Variants in SRP54 observed in about 807,000 individuals in gnomAD.
SRP54 encodes signal recognition particle 54.
Under a neutral mutation model 64.8 loss-of-function variants are expected in SRP54, and 10 were observed. That is an observed-to-expected ratio of 0.15 (90% CI 0.10 to 0.26). SRP54 has a LOEUF of 0.26. SRP54 is among the 10% of genes least tolerant of loss of function. SRP54 has a pLI of 1.00. For missense variants in SRP54, 325 were observed against 613.7 expected, an observed-to-expected ratio of 0.53 and a Z score of 4.97; for synonymous variants, 193 against 185.6, an observed-to-expected ratio of 1.04 and a Z score of -0.32.
At chr14:34,988,121 A>C (rs2043925913) in intron 1 of SRP54, among the ~76,000 whole-genome samples, 2 of 152,094 alleles carry the variant, frequency 1.3e-5, no homozygotes, top group African/African-American at 4.8e-5. Flanking sequence ...TATTTCTGTA[A>C]TGTTTTAACT....
chr14:35,012,018 A>G (rs973986822), intron 8 of SRP54, among the ~76,000 whole-genome samples: 1 of 152,140 alleles, frequency 6.6e-6, no homozygotes, highest in Non-Finnish European at 1.5e-5. Flanking sequence ...GGAGTTCAAG[A>G]TCAGCCTGGC....
chr14:35,020,899 T>C (rs1360828645), intron 13 of SRP54, among the ~76,000 whole-genome samples: 1 of 152,214 alleles, frequency 6.6e-6, no homozygotes, highest in East Asian at 1.9e-4. Context: ...ATAGAACCTT[T>C]CCTGACTTCC....
In SRP54 at chr14:35,011,596, A is replaced by T; in HGVS notation, c.573A>T (p.Thr191=). Residue 191 remains threonine (T), a synonymous_variant, in exon 8 of 16, where the codon ACA becomes ACT. Coordinates refer to ENST00000216774, the MANE Select transcript of SRP54 (RefSeq NM_003136.4). The stretch of plus-strand genomic sequence containing the variant: ...ATTTTGAAATTATTATTGTTGATAC[A>T]AGTGGCCGCCACAAACAAGAAGACT... The part of the protein sequence containing the change: ...NENFEIIIVD[T]SGRHKQEDSL... 1 of 1,595,300 alleles carries T rather than the reference A, an allele frequency of 6.3e-7. No individual in the cohort carries two copies. The highest frequency in any genetic ancestry group is 8.6e-7 in the Non-Finnish European group (1 of 1,168,276).
intron 1 of SRP54, among the ~76,000 whole-genome samples, chr14:34,995,954 A>T (rs117332178): frequency 0.085 from 12,856 of 151,954 alleles, 640 homozygotes; most frequent in Non-Finnish European, 0.12. Flanking sequence ...GGTCCCAGCT[A>T]CTTGGGGGGC....
intron 2 of SRP54, 76 bp downstream of exon 2, chr14:34,996,863 C>A (rs2044080763): frequency 1.9e-6 from 2 of 1,065,138 alleles, no homozygotes; most frequent in East Asian, 4.8e-5. Flanking sequence ...ATTCATAATC[C>A]CTGTATTTAT....
chr14:35,019,631 T>A (rs1010328849), intron 13 of SRP54, among the ~76,000 whole-genome samples: 13 of 152,244 alleles, frequency 8.5e-5, no homozygotes, highest in Non-Finnish European at 1.8e-4. Flanking sequence ...TCTTTCTGTC[T>A]GAAACATAAG....
intron 11 of SRP54, among the ~76,000 whole-genome samples, chr14:35,015,362 C>T (rs2044421922): frequency 2.6e-5 from 4 of 151,846 alleles, no homozygotes; most frequent in Admixed American, 6.6e-5. Flanking sequence ...AGGTGTGAAC[C>T]ACTGTGCTTG....
At chr14:34,988,578 A>AAAAAAAAAAAAAATATATAT (rs1384552218) in intron 1 of SRP54, among the ~76,000 whole-genome samples, 1 of 47,102 alleles carries the variant, frequency 2.1e-5, no homozygotes, top group Non-Finnish European at 4.8e-5. Context: ...AAAAAAAAAA[A>AAAAAAAAAAAAAATATATAT]ATATATATAT....
intron 4 of SRP54, among the ~76,000 whole-genome samples, chr14:35,004,776 C>T (rs570089996): frequency 1.3e-5 from 2 of 152,290 alleles, no homozygotes; most frequent in East Asian, 3.9e-4. Context: ...CTGAAAGGAT[C>T]TATGAGGAAG....
chr14:35,021,595 T>C (rs2139021575), intron 13 of SRP54, among the ~76,000 whole-genome samples: 1 of 151,674 alleles, frequency 6.6e-6, no homozygotes, highest in African/African-American at 2.4e-5. Flanking sequence ...CTTGCACCAC[T>C]GCACTCCAGC....
At chr14:35,014,278 T>TG (rs2044402552) in intron 10 of SRP54, among the ~76,000 whole-genome samples, 1 of 123,404 alleles carries the variant, frequency 8.1e-6, no homozygotes, top group Non-Finnish European at 1.7e-5. Context: ...CACTTAACTT[T>TG]TTTTTTTTTT....
chr14:34,999,046 A>C (rs2044130112), intron 2 of SRP54, among the ~76,000 whole-genome samples: 4 of 102,332 alleles, frequency 3.9e-5, no homozygotes, highest in Admixed American at 1.4e-4. Flanking sequence ...ACAAAGTCTC[A>C]CTCTGTCACC....
chr14:35,020,310 T>G (rs2044507644), intron 13 of SRP54, among the ~76,000 whole-genome samples: 2 of 152,220 alleles, frequency 1.3e-5, no homozygotes, highest in Admixed American at 1.3e-4. Context: ...GCTAACTGAT[T>G]ACAGTGATGG....
chr14:35,008,664 G>A lies in SRP54; in HGVS notation c.398G>A (p.Cys133Tyr), dbSNP rs1177075638. The A allele has an allele frequency of 1.3e-6, 2 of 1,597,944 alleles. No individual in the cohort carries two copies. The highest frequency in any genetic ancestry group is 1.7e-6 in the Non-Finnish European group (2 of 1,172,528). Residue 133 changes from cysteine (C) to tyrosine (Y), a missense_variant, in exon 6 of 16, where the codon TGT (cysteine) becomes TAT (tyrosine). This residue lies in a region of SRP54 where 156 missense variants were observed against 254.6 expected (regional missense o/e 0.61). Coordinates refer to ENST00000216774, the MANE Select transcript of SRP54 (RefSeq NM_003136.4). ...YYYQRKGWKT[C>Y]LICADTFRAG... is the part of the protein sequence containing the mutation. ...TACCAGAGGAAAGGTTGGAAGACCT[G>A]TTTAATATGTGCAGACACATTCAGA...
intron 14 of SRP54, among the ~76,000 whole-genome samples, chr14:35,023,538 C>T (rs1468987985): frequency 2.6e-5 from 4 of 152,042 alleles, no homozygotes; most frequent in Non-Finnish European, 5.9e-5. Flanking sequence ...CATCCTAGCA[C>T]TTTGGGAGGC....
chr14:35,010,587 A>T (rs1225486021), intron 7 of SRP54, among the ~76,000 whole-genome samples: 1 of 152,108 alleles, frequency 6.6e-6, no homozygotes, highest in Non-Finnish European at 1.5e-5. Flanking sequence ...CAACATGGTG[A>T]AACCCCGTCT....
At chr14:34,985,201 C>G (rs899427446) in intron 1 of SRP54, among the ~76,000 whole-genome samples, 4 of 152,122 alleles carry the variant, frequency 2.6e-5, no homozygotes, top group African/African-American at 7.2e-5. Flanking sequence ...GGCTTAGTGG[C>G]GCCGCCTGTA....
Position 35,014,740 on chromosome 14 carries a change from A to G in SRP54, c.887-4A>G, listed in dbSNP as rs142408310. The G allele has an allele frequency of 4.3e-6, 7 of 1,611,360 alleles. No homozygotes were observed. The highest frequency in any genetic ancestry group is 5.9e-6 in the Non-Finnish European group (7 of 1,178,832). On this transcript the variant is annotated splice_region_variant and splice_polypyrimidine_tract_variant and intron_variant, in intron 10 of 15. Transcript: ENST00000216774. Reference sequence around the variant, plus strand: ...TGTTAATTTTTCTTTTTTGTATCTTATAGGTATGGGCGACATTGAAGGACT... The same window carrying G: ...TGTTAATTTTTCTTTTTTGTATCTTGTAGGTATGGGCGACATTGAAGGACT...
intron 10 of SRP54, among the ~76,000 whole-genome samples, chr14:35,014,535 C>T (rs1322321008): frequency 1.3e-5 from 2 of 152,122 alleles, no homozygotes; most frequent in East Asian, 1.9e-4. Context: ...CCACCTTGGC[C>T]TCCCAAAGTG....
Sources: gnomAD v4.1 joint callset for allele counts (sites outside exome capture counted in the v4.1 genomes callset) on GRCh38, gnomAD v4.1.1 for gene constraint, gnomAD v4.1.1 regional missense constraint, MANE v1.5 for transcripts, NCBI Gene and HGNC (gene_info 2026-07-23, HGNC 2026-07-21) for gene names.